Variants in NRAP observed in about 807,000 individuals in gnomAD.
The protein encoded by NRAP is nebulin-related-anchoring protein.
A neutral mutation model predicts 225.9 loss-of-function variants in NRAP; 189 were observed. The ratio of observed to expected loss-of-function variants is 0.84; its 90% confidence interval spans 0.74 to 0.94. The LOEUF is 0.94. Ranked by LOEUF, NRAP falls within the 40% of genes least tolerant of loss-of-function variation. The pLI is 0.00. For synonymous variants in NRAP, 769 were observed against 790.7 expected (o/e 0.97, Z 0.46); for missense variants, 2,176 against 2,168.7 (o/e 1.00, Z -0.07).
At chr10:113,643,600 A>C (rs944707002) in intron 11 of NRAP, among the ~76,000 whole-genome samples, 3 of 152,232 alleles carry the variant, frequency 2.0e-5, no homozygotes, top group African/African-American at 4.8e-5. Flanking sequence ...CTAATTTAAA[A>C]TCAGTTGGCT....
rs758950263 is a variant in NRAP at position 113,605,757 on chromosome 10, C to T, written c.3915+5G>A. 1.3e-6 allele frequency: 2 copies of T among 1,581,458 alleles called. No individual in the cohort carries two copies. Among genetic ancestry groups the T allele is most frequent in the African/African-American group, 1.3e-5 (1 of 74,288 alleles). On this transcript the variant is annotated splice_donor_5th_base_variant and intron_variant, in intron 34 of 41. Transcript: ENST00000359988. Reference sequence around the variant, plus strand: ...CAAGATGGAAGGTCATATCATTCAACTCACATCACTGGCTATATCTCCAGA... The same window carrying T: ...CAAGATGGAAGGTCATATCATTCAATTCACATCACTGGCTATATCTCCAGA...
chr10:113,636,127 G>T (rs1244693203), intron 14 of NRAP, among the ~76,000 whole-genome samples: 1 of 152,300 alleles, frequency 6.6e-6, no homozygotes, highest in Middle Eastern at 3.4e-3. Context: ...AAGGCCAAAG[G>T]CCCCACCCAG....
rs138091888 is a variant in NRAP, at chr10:113,590,836, G to A, written c.4698C>T (p.Arg1566=). The change falls in exon 40 of 42, where the codon CGC becomes CGT. Residue 1566 remains arginine (R), a synonymous_variant. Coordinates refer to ENST00000359988, the MANE Select transcript of NRAP (RefSeq NM_198060.4). ...LRDRGLQIGY[R]SVDDDPRMKH... is the part of the protein sequence containing the mutation. Reference sequence around the variant, plus strand: ...TCATCCTTGGGTCATCGTCGACACTGCGGTACCCGATCTGCAGGCCTCGGT... The same window carrying A: ...TCATCCTTGGGTCATCGTCGACACTACGGTACCCGATCTGCAGGCCTCGGT... 2.5e-6 allele frequency: 4 copies of A among 1,614,214 alleles called. No homozygotes were observed. Among genetic ancestry groups the A allele is most frequent in the Non-Finnish European group, 3.4e-6 (4 of 1,180,044 alleles).
chr10:113,614,781 A>G, intron 28 of NRAP, 58 bp downstream of exon 28: 1 of 1,017,766 alleles, frequency 9.8e-7, no homozygotes. Flanking sequence ...TTACGGGCAA[A>G]AGGAGTGAAA....
At chr10:113,589,391 G>C (rs555032031) in intron 41 of NRAP, 16 of 573,624 alleles carry the variant, frequency 2.8e-5, no homozygotes, top group African/African-American at 2.4e-4. Context: ...CACAGCCTGG[G>C]CTGCCCTGGC....
chr10:113,626,593 G>A (rs1239168343), intron 20 of NRAP, among the ~76,000 whole-genome samples: 2 of 152,114 alleles, frequency 1.3e-5, no homozygotes, highest in Non-Finnish European at 2.9e-5. Context: ...GACAACAGTA[G>A]AAGCTACTTC....
rs544107400 is a variant in NRAP, at chr10:113,629,588, C to T, written c.2040G>A (p.Glu680=). 167 of 1,600,932 alleles carry T rather than the reference C, an allele frequency of 1.0e-4. 1 individual carries two copies. In the South Asian group the frequency reaches 1.7e-3, roughly 16 times the overall value. ...WAKKAYGLQS[E]LQYKADLAWM... ...GAGAACTGATAATGTGTGGGCTCAC[C>T]TCGCTCTGGAGCCCATAGGCCTTCT... The change falls in exon 19 of 42, where the codon GAG becomes GAA. Residue 680 remains glutamate, a splice_region_variant and synonymous_variant. Coordinates refer to ENST00000359988, the MANE Select transcript of NRAP (RefSeq NM_198060.4).
At chr10:113,654,927 T>C (rs1850216235) in intron 4 of NRAP, among the ~76,000 whole-genome samples, 1 of 152,148 alleles carries the variant, frequency 6.6e-6, no homozygotes, top group Admixed American at 6.5e-5. Context: ...AATAAAAGCA[T>C]GAAGGCAGTG....
chr10:113,615,889 A>G (rs1847636496), intron 26 of NRAP, 73 bp from the exon 27 acceptor site: 2 of 874,372 alleles, frequency 2.3e-6, no homozygotes, highest in Non-Finnish European at 3.8e-6. Context: ...TTACGCTTCA[A>G]GAGTCCAAGC....
At chr10:113,626,314 G>C (rs1848290503) in intron 20 of NRAP, among the ~76,000 whole-genome samples, 169 bp from the exon 21 acceptor site, 1 of 152,192 alleles carries the variant, frequency 6.6e-6, no homozygotes, top group African/African-American at 2.4e-5. Flanking sequence ...CCCTGAGACA[G>C]CCTGTTCCAG....
At chr10:113,605,738 G>A (rs746822809) in intron 34 of NRAP, 24 bp downstream of exon 34, 4 of 1,449,722 alleles carry the variant, frequency 2.8e-6, no homozygotes, top group South Asian at 1.2e-5. Flanking sequence ...TAGGCAAGAT[G>A]GAAGGTCATA....
At chr10:113,649,988 T>C (rs1179674829) in intron 9 of NRAP, 49 bp downstream of exon 9, 6 of 1,061,474 alleles carry the variant, frequency 5.7e-6, no homozygotes, top group African/African-American at 1.6e-5. Flanking sequence ...CAGCCTAGAA[T>C]GGGCCAAACA....
chr10:113,659,650 C>T (rs1850538703), intron 3 of NRAP, among the ~76,000 whole-genome samples: 1 of 152,150 alleles, frequency 6.6e-6, no homozygotes, highest in African/African-American at 2.4e-5. Flanking sequence ...AAATTTCGTT[C>T]TCTGAATAGA....
At chr10:113,609,303 T>C (rs1048622417) in intron 31 of NRAP, among the ~76,000 whole-genome samples, 1 of 152,224 alleles carries the variant, frequency 6.6e-6, no homozygotes, top group African/African-American at 2.4e-5. Context: ...AAGGTTCTGA[T>C]GCACCATGAG....
intron 24 of NRAP, 46 bp from the exon 25 acceptor site, chr10:113,620,754 G>C: frequency 7.2e-7 from 1 of 1,382,220 alleles, no homozygotes; most frequent in Non-Finnish European, 1.0e-6. Flanking sequence ...CATTGTTGGT[G>C]CACAGACATT....
intron 30 of NRAP, 130 bp from the exon 31 acceptor site, chr10:113,610,693 C>G: frequency 1.7e-6 from 1 of 601,238 alleles, no homozygotes; most frequent in Admixed American, 2.7e-5. Context: ...TGAACCCGTC[C>G]CTCCGGATAT....
intron 18 of NRAP, 148 bp from the exon 19 acceptor site, chr10:113,629,933 A>G: frequency 1.6e-6 from 1 of 625,814 alleles, no homozygotes; most frequent in Non-Finnish European, 2.8e-6. Flanking sequence ...GAAAGGCCCA[A>G]GTCCTGGCTC....
chr10:113,622,686 G>C (rs976119306), intron 23 of NRAP, among the ~76,000 whole-genome samples: 2 of 152,204 alleles, frequency 1.3e-5, no homozygotes, highest in African/African-American at 4.8e-5. Flanking sequence ...GCCAGTGGTA[G>C]ATTCCGGTTC....
At chr10:113,599,304 G>A (rs1846462702) in intron 35 of NRAP, among the ~76,000 whole-genome samples, 1 of 152,176 alleles carries the variant, frequency 6.6e-6, no homozygotes, top group African/African-American at 2.4e-5. Flanking sequence ...CTGGTGAAGG[G>A]AGACATCACT....
Sources: gnomAD v4.1 joint callset for allele counts (sites outside exome capture counted in the v4.1 genomes callset) on GRCh38, gnomAD v4.1.1 for gene constraint, MANE v1.5 for transcripts, NCBI Gene and HGNC (gene_info 2026-07-23, HGNC 2026-07-21) for gene names.